Variants in ADGRG1 observed in about 807,000 individuals in gnomAD.
ADGRG1 encodes the protein adhesion G protein-coupled receptor G1.
In ADGRG1, 53 loss-of-function variants were observed where a neutral mutation model predicts 73.5. The ratio of observed to expected loss-of-function variants is 0.72; its 90% confidence interval spans 0.58 to 0.91. The LOEUF (loss-of-function observed/expected upper bound fraction) is 0.91, where lower values mean the gene tolerates loss of function less well. Ranked by LOEUF, ADGRG1 falls within the 40% of genes least tolerant of loss-of-function variation. The pLI is 0.00. For synonymous variants in ADGRG1, 394 were observed against 374.4 expected (o/e 1.05, Z -0.60); for missense variants, 795 against 871.8 (o/e 0.91, Z 1.11).
intron 1 of ADGRG1, chr16:57,630,658 A>T: frequency 2.7e-6 from 1 of 364,996 alleles, no homozygotes; most frequent in African/African-American, 2.2e-5. Flanking sequence ...CAGGGATACA[A>T]ACAAACAAAC....
At chr16:57,644,720 CGCACTGGCACACACTGATCACACGT>C (rs1567721297) in intron 1 of ADGRG1, among the ~76,000 whole-genome samples, 2 of 61,296 alleles carry the variant, frequency 3.3e-5, no homozygotes, top group South Asian at 4.9e-4. Flanking sequence ...ACTGATCACA[CGCACTGGCACACACTGATCACACGT>C]ATGCACGGGC....
At chr16:57,632,726 G>A in intron 1 of ADGRG1, 1 of 944,084 alleles carries the variant, frequency 1.1e-6, no homozygotes, top group Non-Finnish European at 1.3e-6. Context: ...GGCAGTTTGT[G>A]GTATGCTTGG....
At position 57,663,606 on chromosome 16, in the gene ADGRG1, G is replaced by A. The variant is rs1345124824; in HGVS notation, c.*24G>A. The A allele has an allele frequency of 6.2e-7, 1 of 1,610,438 alleles. No individual in the cohort carries two copies. Among genetic ancestry groups the A allele is most frequent in the African/African-American group, 1.3e-5 (1 of 74,920 alleles). ...AGGCCTCCAGCCCACCTGCCCATGT[G>A]ATGAAGCAGAGATTCGGCCTCGTCG... On this transcript the variant is annotated 3_prime_UTR_variant, in exon 14 of 14. Coordinates refer to ENST00000562631, the MANE Select transcript of ADGRG1 (RefSeq NM_201525.4).
At chr16:57,656,349 T>G (rs959103117) in intron 8 of ADGRG1, 78 bp downstream of exon 8, 43 of 1,610,368 alleles carry the variant, frequency 2.7e-5, no homozygotes, top group Non-Finnish European at 3.3e-5. Context: ...GAGGTGGGGT[T>G]AATCACCGAG....
intron 4 of ADGRG1, 113 bp downstream of exon 4, chr16:57,653,448 A>T: frequency 6.5e-7 from 1 of 1,535,472 alleles, no homozygotes; most frequent in Non-Finnish European, 8.7e-7. Flanking sequence ...TGGGACTGGA[A>T]TGCTTCTTTG....
Position 57,651,461 on chromosome 16 carries a change from A to G in ADGRG1, c.326A>G (p.Asp109Gly). ...TTACATCTTCTCTATGGCAAGCGTG[A>G]CTTCTTGCTGAGTGACAAAGCCTCT... is the stretch of plus-strand genomic sequence containing the variant. ...GRLHLLYGKR[D>G]FLLSDKASSL... Residue 109 changes from aspartate to glycine, a missense_variant, in exon 3 of 14, where the codon GAC (aspartate) becomes GGC (glycine). Asp to Gly is a moderately conservative substitution (Grantham distance 94, BLOSUM62 -1). Coordinates refer to ENST00000562631, the MANE Select transcript of ADGRG1 (RefSeq NM_201525.4). 6.2e-7 allele frequency: 1 copy of G among 1,614,192 alleles called. No individual in the cohort carries two copies. Among genetic ancestry groups the G allele is most frequent in the South Asian group, 1.1e-5 (1 of 91,080 alleles).
chr16:57,662,283 G>T (rs1367638159), intron 13 of ADGRG1, among the ~76,000 whole-genome samples: 1 of 152,198 alleles, frequency 6.6e-6, no homozygotes, highest in Non-Finnish European at 1.5e-5. Flanking sequence ...AGATAGTAGG[G>T]ACATCGTCGT....
At chr16:57,649,413 TG>T (rs778576884) in intron 1 of ADGRG1, among the ~76,000 whole-genome samples, 28 of 150,260 alleles carry the variant, frequency 1.9e-4, no homozygotes, top group Non-Finnish European at 3.4e-4. Flanking sequence ...CTACTGGGGG[TG>T]GGGAGGGGCT....
At chr16:57,635,888 T>C (rs1248518802) in intron 1 of ADGRG1, 2 of 985,314 alleles carry the variant, frequency 2.0e-6, no homozygotes, top group Non-Finnish European at 2.4e-6. Flanking sequence ...TACCTCCTCA[T>C]AGAGTGGCCC....
chr16:57,646,348 CG>C (rs2099030743), intron 1 of ADGRG1: 1 of 500,110 alleles, frequency 2.0e-6, no homozygotes, highest in Non-Finnish European at 2.4e-6. Context: ...GGGGGTGGGG[CG>C]GGGGATGGGC....
intron 2 of ADGRG1, among the ~76,000 whole-genome samples, chr16:57,650,777 C>T (rs1042163191): frequency 7.0e-6 from 1 of 143,066 alleles, no homozygotes; most frequent in African/African-American, 2.7e-5. Flanking sequence ...GGCGGGATCT[C>T]GGCTCACTGC....
Position 57,653,216 on chromosome 16 carries a change from G to A in ADGRG1, c.501G>A (p.Thr167=), listed in dbSNP as rs1359033621. 1.7e-5 allele frequency: 28 copies of A among 1,609,682 alleles called. No individual in the cohort carries two copies. Among genetic ancestry groups the A allele is most frequent in the Admixed American group, 3.3e-5 (2 of 60,000 alleles). ...FTFSFHSPPH[T]AAHNASVDMC... ...CCCCTCCCCCAGGTCCTCCCCACAC[G>A]GCCGCTCACAATGCCTCGGTGGACA... The change falls in exon 4 of 14, where the codon ACG becomes ACA. Residue 167 remains threonine, a synonymous_variant. Transcript: ENST00000562631.
At chr16:57,647,805 G>T (rs2043054451) in intron 1 of ADGRG1, 106 of 980,034 alleles carry the variant, frequency 1.1e-4, no homozygotes, top group Non-Finnish European at 1.3e-4. Context: ...GGGACAGTTG[G>T]TCCCTTGTGT....
At chr16:57,629,587 A>G (rs2037145805) in intron 1 of ADGRG1, 1 of 152,164 alleles carries the variant, frequency 6.6e-6, no homozygotes, top group South Asian at 2.1e-4. Context: ...CCACTGAGCA[A>G]GGGACAGCCG....
intron 1 of ADGRG1, chr16:57,634,039 T>C (rs2038718995): frequency 2.0e-6 from 2 of 983,886 alleles, no homozygotes; most frequent in Non-Finnish European, 2.4e-6. Flanking sequence ...CGCCGACCTT[T>C]CAAAGGACCA....
At chr16:57,647,223 C>T in intron 1 of ADGRG1, 4 of 985,414 alleles carry the variant, frequency 4.1e-6, no homozygotes, top group Non-Finnish European at 4.8e-6. Context: ...GCTCTCCTGT[C>T]CCAACGGGCT....
rs777514679 is a variant in ADGRG1 at position 57,659,610 on chromosome 16, A to G, written c.1484A>G (p.Tyr495Cys). ...SWMGLEGYNL[Y>C]RLVVEVFGTY... ...ATGGGCCTCGAGGGGTACAACCTCT[A>G]CCGACTCGTGGTGGAGGTCTTTGGC... The change falls in exon 11 of 14, where the codon TAC (tyrosine) becomes TGC (cysteine). Residue 495 changes from tyrosine to cysteine, a missense_variant. Tyr to Cys is a radical substitution (Grantham distance 194, BLOSUM62 -2). Transcript: ENST00000562631. 1.9e-6 allele frequency: 3 copies of G among 1,613,956 alleles called. No individual in the cohort carries two copies. Among genetic ancestry groups the G allele is most frequent in the Non-Finnish European group, 2.5e-6 (3 of 1,179,940 alleles).
In ADGRG1 at chr16:57,661,946, C is replaced by T; in HGVS notation, c.1914C>T (p.Ser638=). The T allele has an allele frequency of 1.9e-6, 3 of 1,613,986 alleles. No individual in the cohort carries two copies. The highest frequency in any genetic ancestry group is 2.5e-6 in the Non-Finnish European group (3 of 1,179,778). The change falls in exon 13 of 14, where the codon AGC becomes AGT. Residue 638 remains serine, a synonymous_variant. Coordinates refer to ENST00000562631, the MANE Select transcript of ADGRG1 (RefSeq NM_201525.4). ...AGCTTGTCGTCCTCTACCTTTTCAG[C>T]ATCATCACCTCCTTCCAAGGTAAGG... ...TFQLVVLYLF[S]IITSFQGFLI...
rs76652341 is a variant in ADGRG1 at position 57,628,855 on chromosome 16, A to T, written c.-36+53A>T. On this transcript the variant is annotated intron_variant, in intron 1 of 13. Coordinates refer to ENST00000562631, the MANE Select transcript of ADGRG1 (RefSeq NM_201525.4). ...TGGGAAGGGGAATAGTGTGAGTGTG[A>T]GAGTGTGAGTGTGTGAGCGTGAGTG... 74,884 of 881,016 alleles carry T rather than the reference A, an allele frequency of 0.085. 4,763 individuals carry two copies. Among genetic ancestry groups the T allele is most frequent in the East Asian group, 0.18 (1,413 of 8,052 alleles). The allele number at this position is 881,016 out of a possible 1,614,324, so 54.6% of individuals were successfully genotyped here.
Sources: allele counts gnomAD v4.1 joint callset (sites outside exome capture counted in the v4.1 genomes callset), GRCh38; gene constraint gnomAD v4.1.1; transcripts MANE v1.5; gene names NCBI Gene and HGNC (gene_info 2026-07-23, HGNC 2026-07-21).